The following MAP3K13 variants were observed in gnomAD, a reference collection of about 807,000 sequenced individuals.
MAP3K13 encodes the protein leucine zipper-bearing kinase.
In MAP3K13, 52 loss-of-function variants were observed where a neutral mutation model predicts 104.0. The ratio of observed to expected loss-of-function variants is 0.50; its 90% CI spans 0.40 to 0.63. The LOEUF is 0.63. MAP3K13 is among the 20% of genes least tolerant of loss of function. The pLI is 0.00. For synonymous variants in MAP3K13, 394 were observed against 442.2 expected (o/e 0.89, Z 1.37); for missense variants, 914 against 1,218.5 (o/e 0.75, Z 3.72).
intron 5 of MAP3K13, 181 bp downstream of exon 5, chr3:185,448,128 TA>T (rs1460055180): frequency 7.7e-6 from 6 of 775,814 alleles, no homozygotes; most frequent in African/African-American, 3.4e-5. Context: ...GGAGAAGGAT[TA>T]GGGGGAATTA....
intron 1 of MAP3K13, among the ~76,000 whole-genome samples, chr3:185,400,450 C>T (rs769039778): frequency 6.6e-6 from 1 of 152,342 alleles, no homozygotes; most frequent in Admixed American, 6.5e-5. Flanking sequence ...CTGTTTTGTT[C>T]ATCTTCGCAT....
At position 185,450,123 on chromosome 3, in the gene MAP3K13, T is replaced by C; in HGVS notation, c.1169+65T>C. ...TGTGTATTTGGAGTAAATATCCTGG[T>C]GGTGGAAAGAATAGGAGCTTTGGAG... On this transcript the variant is annotated intron_variant, in intron 6 of 13. Transcript: ENST00000265026. The surrounding 1 kb of genome is among the most constrained non-coding windows in gnomAD (Gnocchi z 4.2). 1 of 1,431,280 alleles carries C rather than the reference T, an allele frequency of 7.0e-7. No homozygotes were observed. The highest frequency in any genetic ancestry group is 9.3e-7 in the Non-Finnish European group (1 of 1,072,440). 88.7% of individuals were successfully genotyped at this position (1,431,280 alleles called of 1,614,324 possible).
chr3:185,343,946 A>T (rs993332770), intron 2 of MAP3K13, among the ~76,000 whole-genome samples: 1 of 152,184 alleles, frequency 6.6e-6, no homozygotes, highest in African/African-American at 2.4e-5. Flanking sequence ...CCTAAAGGGA[A>T]CCCATTTCCA....
intron 11 of MAP3K13, among the ~76,000 whole-genome samples, chr3:185,476,097 C>T (rs1230900196): frequency 1.3e-5 from 2 of 152,084 alleles, no homozygotes; most frequent in African/African-American, 2.4e-5. Flanking sequence ...CAGAAAGAAA[C>T]CCCACACCCT....
rs1019466844 is a variant in MAP3K13 at position 185,291,139 on chromosome 3, T to A, written c.-86+5496T>A. On this transcript the variant is annotated intron_variant, in intron 2 of 14. Coordinates refer to the MAP3K13 transcript ENST00000424227. ...TTCTCCCTGTTTAAATATTACAATA[T>A]TTTTGAACCATAATACTTCCACATC... Among the ~76,000 whole-genome samples the A allele has an allele frequency of 1.3e-4, 20 of 152,368 alleles. 1 individual carries two copies. Among genetic ancestry groups the A allele is most frequent in the African/African-American group, 3.8e-4 (16 of 41,594 alleles).
intron 2 of MAP3K13, among the ~76,000 whole-genome samples, chr3:185,354,575 G>C (rs1195823166): frequency 1.4e-5 from 2 of 138,282 alleles, no homozygotes; most frequent in Non-Finnish European, 3.1e-5. Context: ...CTCATCAAGA[G>C]CCTCAAGAAC....
At chr3:185,287,732 G>C (rs376371323) in intron 2 of MAP3K13, among the ~76,000 whole-genome samples, 1 of 152,080 alleles carries the variant, frequency 6.6e-6, no homozygotes, top group African/African-American at 2.4e-5. Flanking sequence ...CTAACTAGGG[G>C]TTGAGTCATG....
chr3:185,434,153 T>G (rs1714898307), intron 2 of MAP3K13, among the ~76,000 whole-genome samples: 3 of 152,044 alleles, frequency 2.0e-5, no homozygotes. Flanking sequence ...TGTTCAAAAA[T>G]AATAAAATTA....
intron 1 of MAP3K13, among the ~76,000 whole-genome samples, chr3:185,365,951 C>CCTTT (rs1553794388): frequency 1.4e-5 from 1 of 69,460 alleles, no homozygotes; most frequent in Non-Finnish European, 2.5e-5. Context: ...CTCCCTCCCT[C>CCTTT]CCTTCCTTCC....
At chr3:185,480,572 T>G (rs772671950) in intron 13 of MAP3K13, 43 bp downstream of exon 13, 3 of 1,587,252 alleles carry the variant, frequency 1.9e-6, no homozygotes, top group South Asian at 2.3e-5. Flanking sequence ...TTCCCTTTTT[T>G]GCTCTTTGGG....
intron 2 of MAP3K13, among the ~76,000 whole-genome samples, chr3:185,353,075 G>A (rs73052885): frequency 0.012 from 1,839 of 152,296 alleles, 37 homozygotes; most frequent in African/African-American, 0.042. Flanking sequence ...TGGACATAAC[G>A]TATAATTACA....
intron 2 of MAP3K13, among the ~76,000 whole-genome samples, chr3:185,310,063 T>G (rs777440496): frequency 5.9e-5 from 9 of 152,186 alleles, no homozygotes; most frequent in Non-Finnish European, 1.3e-4. Flanking sequence ...GGCACAGATA[T>G]GCAGTGACTG....
intron 4 of MAP3K13, chr3:185,443,855 G>T: frequency 2.1e-6 from 1 of 480,648 alleles, no homozygotes; most frequent in Non-Finnish European, 3.7e-6. Flanking sequence ...TTTCCTTTTT[G>T]GTGCTTTTAA....
chr3:185,397,266 A>G (rs1482936993), intron 1 of MAP3K13, among the ~76,000 whole-genome samples: 1 of 152,188 alleles, frequency 6.6e-6, no homozygotes, highest in Non-Finnish European at 1.5e-5. Context: ...ATATTCACAG[A>G]ATGTTTTTTC....
At chr3:185,310,691 C>G (rs1721467593) in intron 2 of MAP3K13, among the ~76,000 whole-genome samples, 1 of 151,454 alleles carries the variant, frequency 6.6e-6, no homozygotes, top group Admixed American at 6.6e-5. Context: ...AGAAGTTATT[C>G]AAACTGAAGC....
In MAP3K13 at chr3:185,363,245, G is replaced by C. The variant is rs1723719825; in HGVS notation, c.-209G>C. 3 of 985,332 alleles carry C rather than the reference G, an allele frequency of 3.0e-6. No individual in the cohort carries two copies. The highest frequency in any genetic ancestry group is 5.2e-4 in the Middle Eastern group (1 of 1,914). The allele number at this position is 985,332 out of a possible 1,614,324, so 61.0% of individuals were successfully genotyped here. A position where few individuals can be genotyped will look rare whatever the true frequency, so the allele number is the denominator to read the frequency against. ...CTTTGGGCTCCTTTGCGGTGGGCTG[G>C]AGGATTGTGTGGGTGGAATCCCCCT... On this transcript the variant is annotated 5_prime_UTR_variant, in exon 1 of 14. Transcript: ENST00000265026.
upstream of MAP3K13, chr3:185,363,073 G>A (rs572898331): frequency 1.0e-5 from 10 of 985,162 alleles, no homozygotes; most frequent in South Asian, 3.8e-4. Flanking sequence ...AAAGAAGGAA[G>A]GCCATGTCTG....
chr3:185,472,828 T>A, intron 10 of MAP3K13, 147 bp from the exon 11 acceptor site: 1 of 754,234 alleles, frequency 1.3e-6, no homozygotes. Flanking sequence ...ATGAACATTT[T>A]GAAGACCCCT....
At chr3:185,474,940 C>A (rs545679243) in intron 11 of MAP3K13, among the ~76,000 whole-genome samples, 1 of 151,838 alleles carries the variant, frequency 6.6e-6, no homozygotes, top group Admixed American at 6.6e-5. Context: ...ACCAAAAATA[C>A]AAAAATTAGC....
Sources: gnomAD v4.1 joint callset for allele counts (sites outside exome capture counted in the v4.1 genomes callset) on GRCh38, gnomAD v4.1.1 for gene constraint, Gnocchi (gnomAD v3.1) non-coding constraint, MANE v1.5 for transcripts, NCBI Gene and HGNC (gene_info 2026-07-23, HGNC 2026-07-21) for gene names.